Variants in MAGI2 observed in about 807,000 individuals in gnomAD.
MAGI2 encodes membrane-associated guanylate kinase, WW and PDZ domain-containing protein 2.
MAGI2 carries 35 observed loss-of-function variants against 133.3 expected under a neutral mutation model. That is an observed-to-expected ratio of 0.26 (90% CI 0.20 to 0.35). MAGI2 has a LOEUF of 0.35. Among genes scored for constraint, MAGI2 ranks in the 10% least tolerant of loss-of-function variants. The probability of loss-of-function intolerance (pLI) is 1.00; values close to 1 mark genes in which losing one functional copy is unlikely to be tolerated. For missense variants in MAGI2, 1,636 were observed against 1,863.4 expected, an observed-to-expected ratio of 0.88 and a Z score of 2.25; for synonymous variants, 729 against 710.6, an observed-to-expected ratio of 1.03 and a Z score of -0.41.
At chr7:78,561,103 G>A (rs1800356606) in intron 3 of MAGI2, among the ~76,000 whole-genome samples, 1 of 152,138 alleles carries the variant, frequency 6.6e-6, no homozygotes, top group African/African-American at 2.4e-5. Flanking sequence ...AAAATCTTTG[G>A]AGTAAATGAA....
At chr7:78,912,127 A>C (rs1349003493) in intron 2 of MAGI2, among the ~76,000 whole-genome samples, 1 of 152,210 alleles carries the variant, frequency 6.6e-6, no homozygotes, top group Non-Finnish European at 1.5e-5. Flanking sequence ...CAAGTTTAGC[A>C]CTTCTGTGCA....
chr7:78,352,361 TA>T (rs1395976965), intron 7 of MAGI2, among the ~76,000 whole-genome samples: 1 of 152,220 alleles, frequency 6.6e-6, no homozygotes, highest in Admixed American at 6.5e-5. Context: ...TTAAATACGT[TA>T]TTATAAAATA....
At chr7:78,536,302 C>T (rs1320808644) in intron 3 of MAGI2, among the ~76,000 whole-genome samples, 1 of 150,244 alleles carries the variant, frequency 6.7e-6, no homozygotes, top group East Asian at 1.9e-4. Flanking sequence ...TTAGTAGAGA[C>T]GGGGTTTCAC....
intron 6 of MAGI2, chr7:78,486,132 G>A (rs1181319191): frequency 1.3e-5 from 2 of 152,110 alleles, no homozygotes; most frequent in South Asian, 2.1e-4. Context: ...AACCAGAAGA[G>A]TGAGGAATCT....
rs1586044576 is a variant in MAGI2 at position 79,453,484 on chromosome 7, G to A, written c.-164C>T. The stretch of plus-strand genomic sequence containing the variant: ...TTCCCTCTTCTTTGGATGGAGTGTG[G>A]ACGAGGAATGGGGAGGATGAGAGGG... On this transcript the variant is annotated 5_prime_UTR_variant, in exon 1 of 22. Transcript: ENST00000354212. The A allele has an allele frequency of 1.4e-6, 2 of 1,436,562 alleles. No individual in the cohort carries two copies. Among genetic ancestry groups the A allele is most frequent in the African/African-American group, 2.9e-5 (2 of 69,962 alleles). The allele number at this position is 1,436,562 out of a possible 1,614,324, so 89.0% of individuals were successfully genotyped here. A position where few individuals can be genotyped will look rare whatever the true frequency, so the allele number is the denominator to read the frequency against.
chr7:78,645,877 C>T (rs322008), intron 2 of MAGI2, among the ~76,000 whole-genome samples: 19,020 of 151,802 alleles, frequency 0.13, 1,520 homozygotes, highest in East Asian at 0.42. Context: ...TAGCTGGGAC[C>T]ACAGTTGTGC....
chr7:78,905,103 T>C (rs755054127), intron 2 of MAGI2, among the ~76,000 whole-genome samples: 5 of 152,180 alleles, frequency 3.3e-5, no homozygotes, highest in Non-Finnish European at 7.3e-5. Flanking sequence ...TTCCATAATC[T>C]TATCCCTAGG....
intron 1 of MAGI2, among the ~76,000 whole-genome samples, chr7:79,400,832 A>T (rs1845418288): frequency 6.6e-6 from 1 of 152,066 alleles, no homozygotes; most frequent in African/African-American, 2.4e-5. Context: ...TACATACTAT[A>T]TGTTGTACAA....
intron 1 of MAGI2, among the ~76,000 whole-genome samples, chr7:79,340,275 T>A (rs1397436587): frequency 6.6e-6 from 1 of 152,158 alleles, no homozygotes; most frequent in Non-Finnish European, 1.5e-5. Context: ...ATCTCCTTGC[T>A]GTGTTTTCTT....
chr7:79,031,258 T>C (rs1433950360), intron 1 of MAGI2, among the ~76,000 whole-genome samples: 3 of 152,184 alleles, frequency 2.0e-5, no homozygotes, highest in African/African-American at 7.2e-5. Context: ...TTACATGGCA[T>C]TTACCACTAT....
chr7:79,442,747 A>G (rs1848573123), intron 1 of MAGI2, among the ~76,000 whole-genome samples: 2 of 148,950 alleles, frequency 1.3e-5, no homozygotes, highest in African/African-American at 5.1e-5. Flanking sequence ...CACTCTTCAC[A>G]CACACAAAAT....
intron 6 of MAGI2, among the ~76,000 whole-genome samples, chr7:78,478,142 CA>C (rs1791977432): frequency 6.6e-6 from 1 of 151,684 alleles, no homozygotes; most frequent in South Asian, 2.1e-4. Flanking sequence ...TCTCATTGTT[CA>C]ACTCCCACTT....
intron 6 of MAGI2, among the ~76,000 whole-genome samples, chr7:78,385,871 C>T (rs1795337931): frequency 1.3e-5 from 2 of 152,136 alleles, no homozygotes; most frequent in Non-Finnish European, 2.9e-5. Context: ...TCTATTAACA[C>T]ACATTGTAGT....
intron 6 of MAGI2, among the ~76,000 whole-genome samples, chr7:78,402,237 TG>T (rs566250156): frequency 3.3e-5 from 5 of 151,224 alleles, no homozygotes; most frequent in Admixed American, 6.6e-5. Context: ...TGTGTATGTG[TG>T]TCTGCCTACC....
At chr7:78,932,776 C>G (rs1033528586) in intron 2 of MAGI2, among the ~76,000 whole-genome samples, 1 of 152,080 alleles carries the variant, frequency 6.6e-6, no homozygotes, top group African/African-American at 2.4e-5. Flanking sequence ...TGGAGAAATT[C>G]ATTGACAAGT....
At chr7:79,120,817 G>T (rs10280055) in intron 1 of MAGI2, among the ~76,000 whole-genome samples, 107,132 of 151,882 alleles carry the variant, frequency 0.71, 39,578 homozygotes, top group Non-Finnish European at 0.83. Flanking sequence ...CAATGATGCC[G>T]CACTTTTCTC....
At chr7:78,819,531 A>G (rs2151423918) in intron 2 of MAGI2, among the ~76,000 whole-genome samples, 1 of 152,150 alleles carries the variant, frequency 6.6e-6, no homozygotes, top group Non-Finnish European at 1.5e-5. Flanking sequence ...GACGTCTCAC[A>G]TTTTTAAAAA....
At chr7:78,401,718 A>G (rs1047942301) in intron 6 of MAGI2, among the ~76,000 whole-genome samples, 2 of 152,152 alleles carry the variant, frequency 1.3e-5, no homozygotes, top group East Asian at 3.8e-4. Flanking sequence ...ATACATCGAC[A>G]GCTGTTAGTA....
At chr7:79,419,423 A>G (rs10224698) in intron 1 of MAGI2, among the ~76,000 whole-genome samples, 60,274 of 151,802 alleles carry the variant, frequency 0.4, 14,198 homozygotes, top group African/African-American at 0.65. Context: ...AAAATGTGAG[A>G]AAGAGAGGAA....
Sources: gnomAD v4.1 joint callset for allele counts (sites outside exome capture counted in the v4.1 genomes callset) on GRCh38, gnomAD v4.1.1 for gene constraint, MANE v1.5 for transcripts, NCBI Gene and HGNC (gene_info 2026-07-23, HGNC 2026-07-21) for gene names.